The following NAV2 variants were observed in gnomAD, a reference collection of about 807,000 sequenced individuals.
NAV2 encodes helicase, APC down-regulated 1.
A neutral mutation model predicts 223.2 loss-of-function variants in NAV2; 54 were observed. The ratio of observed to expected loss-of-function variants is 0.24; its 90% CI spans 0.19 to 0.30. The LOEUF is 0.30. NAV2 is among the 10% of genes least tolerant of loss of function. The pLI, the probability that NAV2 is intolerant of heterozygous loss-of-function variation, is 1.00. For synonymous variants in NAV2, 1,279 were observed against 1,239.3 expected (o/e 1.03, Z -0.67); for missense variants, 2,806 against 3,147.5 (o/e 0.89, Z 2.60).
intron 1 of NAV2, among the ~76,000 whole-genome samples, chr11:19,365,225 C>T (rs569457562): frequency 9.8e-5 from 15 of 152,348 alleles, no homozygotes; most frequent in East Asian, 1.9e-4. Context: ...TTTTCTCCAA[C>T]CATCTACCCC....
chr11:19,550,909 C>T (rs1343417926), intron 1 of NAV2, among the ~76,000 whole-genome samples: 3 of 152,218 alleles, frequency 2.0e-5, no homozygotes, highest in Non-Finnish European at 2.9e-5. Flanking sequence ...CAAAAGTTAC[C>T]ACCCCTTCCC....
intron 1 of NAV2, among the ~76,000 whole-genome samples, chr11:19,566,012 A>T (rs778024576): frequency 2.0e-5 from 3 of 152,128 alleles, no homozygotes; most frequent in Non-Finnish European, 4.4e-5. Context: ...GGGCTGCAGC[A>T]TGAAGAGCTA....
chr11:19,862,464 G>T (rs1472108718), intron 3 of NAV2, among the ~76,000 whole-genome samples: 2 of 152,198 alleles, frequency 1.3e-5, no homozygotes, highest in African/African-American at 4.8e-5. Flanking sequence ...AATAGCCAAA[G>T]CTGGGACAGA....
chr11:19,918,339 G>T (rs988082767), intron 6 of NAV2, among the ~76,000 whole-genome samples: 2 of 152,240 alleles, frequency 1.3e-5, no homozygotes, highest in African/African-American at 4.8e-5. Context: ...TCAATAGTCA[G>T]TTTGATATTA....
intron 1 of NAV2, among the ~76,000 whole-genome samples, chr11:19,830,937 G>A (rs1168889272): frequency 6.6e-6 from 1 of 152,080 alleles, no homozygotes; most frequent in Non-Finnish European, 1.5e-5. Flanking sequence ...CACGGGGAAG[G>A]AGACTAGCAT....
intron 1 of NAV2, among the ~76,000 whole-genome samples, chr11:19,556,565 T>C (rs936169486): frequency 1.3e-5 from 2 of 152,320 alleles, no homozygotes; most frequent in African/African-American, 4.8e-5. Flanking sequence ...GCCTGAAATA[T>C]AAACCATAGA....
intron 3 of NAV2, among the ~76,000 whole-genome samples, chr11:19,863,775 G>T (rs981620040): frequency 6.6e-6 from 1 of 152,152 alleles, no homozygotes; most frequent in Admixed American, 6.5e-5. Context: ...TTTATTAAAT[G>T]CTGGTTTCCC....
intron 1 of NAV2, among the ~76,000 whole-genome samples, chr11:19,543,192 A>T (rs1343472481): frequency 1.3e-5 from 2 of 152,254 alleles, no homozygotes; most frequent in Non-Finnish European, 1.5e-5. Flanking sequence ...TGGGTGACTT[A>T]AAGCAAATTG....
At chr11:19,345,679 G>A in the NAV2 span, among the ~76,000 whole-genome samples, 1 of 152,240 alleles carries the variant, frequency 6.6e-6, no homozygotes, top group Non-Finnish European at 1.5e-5. The surrounding 1 kb of genome is among the most constrained non-coding windows in gnomAD (Gnocchi z 5.2). Context: ...CAGATGCGGG[G>A]CTGGGCGCCC....
intron 34 of NAV2, chr11:20,104,947 C>T (rs944330452): frequency 6.6e-6 from 1 of 152,638 alleles, no homozygotes; most frequent in African/African-American, 2.4e-5. Flanking sequence ...CTGACCCCAA[C>T]AACTGCTCCT....
chr11:19,977,804 T>TC (rs796114182), intron 10 of NAV2, among the ~76,000 whole-genome samples: 27 of 141,528 alleles, frequency 1.9e-4, no homozygotes, highest in African/African-American at 6.9e-4. Context: ...TTTTCTTTTT[T>TC]TTTTTTTTTT....
At chr11:20,026,222 T>A (rs765279241) in intron 11 of NAV2, among the ~76,000 whole-genome samples, 1 of 152,204 alleles carries the variant, frequency 6.6e-6, no homozygotes, top group Non-Finnish European at 1.5e-5. Flanking sequence ...TGGATCATCT[T>A]GCACCAGAAC....
intron 11 of NAV2, among the ~76,000 whole-genome samples, chr11:20,035,463 T>C (rs1173031320): frequency 6.6e-6 from 1 of 152,122 alleles, no homozygotes; most frequent in Non-Finnish European, 1.5e-5. Context: ...AGTTGACAGG[T>C]TTCTCCTAAC....
At chr11:19,995,827 TA>T (rs1440749223) in intron 11 of NAV2, among the ~76,000 whole-genome samples, 1 of 152,234 alleles carries the variant, frequency 6.6e-6, no homozygotes, top group Non-Finnish European at 1.5e-5. Flanking sequence ...GAATTGTTTT[TA>T]TTTTTTTTGG....
intron 10 of NAV2, among the ~76,000 whole-genome samples, chr11:19,968,533 T>C (rs978259231): frequency 1.3e-5 from 2 of 152,186 alleles, no homozygotes; most frequent in South Asian, 4.1e-4. Context: ...ATAATAGGTC[T>C]TTAAAGTGTA....
Position 20,036,078 on chromosome 11 carries a change from G to GA in NAV2, c.2894dup (p.Asn965LysfsTer7). 1 of 1,614,134 alleles carries GA rather than the reference G, an allele frequency of 6.2e-7. No homozygotes were observed. Among genetic ancestry groups the GA allele is most frequent in the Non-Finnish European group, 8.5e-7 (1 of 1,180,000 alleles). ...TATGCCAACACACCTGCCTCCTCTC[G>GA]AAAAAACCTGGATGTGCAGGTGAGG... On this transcript the variant is annotated frameshift_variant, in exon 12 of 38. Coordinates refer to ENST00000349880, the MANE Select transcript of NAV2 (RefSeq NM_145117.5). LOFTEE classifies it high-confidence loss of function.
At chr11:19,449,422 G>C (rs552403912) in intron 1 of NAV2, among the ~76,000 whole-genome samples, 1 of 151,712 alleles carries the variant, frequency 6.6e-6, no homozygotes, top group Non-Finnish European at 1.5e-5. Flanking sequence ...TGTGGGAGCC[G>C]AGAAGGAACA....
chr11:19,919,320 C>G (rs983121554), intron 6 of NAV2, among the ~76,000 whole-genome samples: 1 of 151,250 alleles, frequency 6.6e-6, no homozygotes, highest in Non-Finnish European at 1.5e-5. Flanking sequence ...GTGAGAAGCT[C>G]CTTGAGTCCT....
chr11:19,349,975 C>T (rs911593211), upstream of NAV2, among the ~76,000 whole-genome samples: 19 of 152,104 alleles, frequency 1.2e-4, no homozygotes, highest in Non-Finnish European at 7.3e-5. Flanking sequence ...CCTGGTGTCT[C>T]GCCTGCCATA....
Sources: allele counts gnomAD v4.1 joint callset (sites outside exome capture counted in the v4.1 genomes callset), GRCh38; gene constraint gnomAD v4.1.1; non-coding constraint Gnocchi (gnomAD v3.1); transcripts MANE v1.5; gene names NCBI Gene and HGNC (gene_info 2026-07-23, HGNC 2026-07-21).